AUTS2: variants seen among roughly 807,000 people sequenced by gnomAD.
AUTS2 encodes activator of transcription and developmental regulator AUTS2.
Under a neutral mutation model 112.4 loss-of-function variants are expected in AUTS2, and 17 were observed. The ratio of observed to expected loss-of-function variants is 0.15; its 90% CI spans 0.10 to 0.23. The LOEUF is 0.23. Ranked by LOEUF, AUTS2 falls within the 10% of genes least tolerant of loss-of-function variation. The pLI, the probability that AUTS2 is intolerant of heterozygous loss-of-function variation, is 1.00. For missense variants in AUTS2, 1,510 were observed against 1,701.6 expected (o/e 0.89, Z 1.98); for synonymous variants, 751 against 702.7 (o/e 1.07, Z -1.09).
intron 4 of AUTS2, among the ~76,000 whole-genome samples, chr7:70,213,074 G>A (rs1346257018): frequency 6.6e-6 from 1 of 151,986 alleles, no homozygotes; most frequent in African/African-American, 2.4e-5. Context: ...TCAGGTGATA[G>A]GCATTCTAAT....
In AUTS2 at chr7:69,646,065, A is replaced by T. The variant is rs76364952; in HGVS notation, c.309+46103A>T. 2.5e-4 allele frequency among the ~76,000 whole-genome samples: 38 copies of T among 151,016 alleles called. No individual in the cohort carries two copies. The East Asian group carries it at 5.9e-3, about 24-fold the overall frequency. On this transcript the variant is annotated intron_variant, in intron 1 of 18. Transcript: ENST00000342771. ...GGGACCATTAGTTGAACTAAGAGGT[A>T]TGTTGTTTATACTGTTGTTGTGGTT...
intron 5 of AUTS2, among the ~76,000 whole-genome samples, chr7:70,489,950 C>A (rs531557058): frequency 6.6e-6 from 1 of 152,272 alleles, no homozygotes; most frequent in South Asian, 2.1e-4. Flanking sequence ...AGATTAGATA[C>A]TATTTTAAAC....
In AUTS2 at chr7:70,777,092, T is replaced by C; in HGVS notation, c.1933-11T>C. ...TCTTCCTCCTAACCACGTTGCTCTT[T>C]CTTGTTCCAGAAACCAGGGAAGTGG... On this transcript the variant is annotated splice_polypyrimidine_tract_variant and intron_variant, in intron 13 of 18. Coordinates refer to ENST00000342771, the MANE Select transcript of AUTS2 (RefSeq NM_015570.4). 1 of 1,613,964 alleles carries C rather than the reference T, an allele frequency of 6.2e-7. No individual in the cohort carries two copies. Among genetic ancestry groups the C allele is most frequent in the Non-Finnish European group, 8.5e-7 (1 of 1,179,882 alleles).
At chr7:69,609,239 G>T (rs1487595153) in intron 1 of AUTS2, among the ~76,000 whole-genome samples, 1 of 152,150 alleles carries the variant, frequency 6.6e-6, no homozygotes, top group Non-Finnish European at 1.5e-5. Flanking sequence ...CTTGGAAGGA[G>T]ATTTTTTAAA....
intron 2 of AUTS2, among the ~76,000 whole-genome samples, chr7:70,081,991 T>G (rs1803347751): frequency 6.7e-6 from 1 of 148,976 alleles, no homozygotes; most frequent in Non-Finnish European, 1.5e-5. Flanking sequence ...TGTGTTTAAA[T>G]TAGATTTTTC....
chr7:70,600,558 G>C (rs1319615153), intron 5 of AUTS2, among the ~76,000 whole-genome samples: 1 of 152,176 alleles, frequency 6.6e-6, no homozygotes, highest in Non-Finnish European at 1.5e-5. Flanking sequence ...TTACAGGCAC[G>C]GGCCACCGCG....
intron 2 of AUTS2, among the ~76,000 whole-genome samples, chr7:69,911,515 G>C (rs780274790): frequency 5.3e-5 from 8 of 152,350 alleles, no homozygotes; most frequent in Non-Finnish European, 1.0e-4. Context: ...TGCCTAGGAA[G>C]AATGAGGTAC....
intron 5 of AUTS2, among the ~76,000 whole-genome samples, chr7:70,453,865 T>C (rs12537351): frequency 0.028 from 4,224 of 152,334 alleles, 129 homozygotes; most frequent in Admixed American, 0.095. Context: ...AAGATACTTT[T>C]TCCTTGTAAG....
At chr7:70,355,109 T>G (rs183163071) in intron 4 of AUTS2, among the ~76,000 whole-genome samples, 288 of 143,712 alleles carry the variant, frequency 2.0e-3, no homozygotes, top group African/African-American at 5.5e-3. Flanking sequence ...TGTATGGGTG[T>G]GTGTGTGTGT....
intron 5 of AUTS2, among the ~76,000 whole-genome samples, chr7:70,448,309 A>C (rs1015143868): frequency 6.6e-6 from 1 of 152,252 alleles, no homozygotes; most frequent in East Asian, 1.9e-4. Flanking sequence ...AATTTATTCA[A>C]TAAGCCAGAC....
intron 4 of AUTS2, among the ~76,000 whole-genome samples, chr7:70,255,428 CA>C (rs202036691): frequency 2.7e-5 from 4 of 149,766 alleles, no homozygotes; most frequent in African/African-American, 4.9e-5. Flanking sequence ...ATACTAATTG[CA>C]AAAAAAAATA....
intron 5 of AUTS2, among the ~76,000 whole-genome samples, chr7:70,643,595 T>A (rs1252335997): frequency 6.6e-6 from 1 of 152,162 alleles, no homozygotes; most frequent in Non-Finnish European, 1.5e-5. Context: ...AGTAAAAGTG[T>A]GACAAACCTA....
At chr7:70,175,951 G>A (rs1331839152) in intron 4 of AUTS2, among the ~76,000 whole-genome samples, 3 of 152,092 alleles carry the variant, frequency 2.0e-5, no homozygotes, top group African/African-American at 7.2e-5. Flanking sequence ...TGGTGGTTTG[G>A]AACCAAATCT....
intron 2 of AUTS2, among the ~76,000 whole-genome samples, chr7:69,994,630 A>G (rs1441861353): frequency 1.3e-5 from 2 of 152,162 alleles, no homozygotes; most frequent in Admixed American, 6.5e-5. Flanking sequence ...GGATTATAGT[A>G]TATAATGACT....
In AUTS2 at chr7:70,211,566, G is replaced by A. The variant is rs548296082; in HGVS notation, c.660+76995G>A. Among the ~76,000 whole-genome samples, 5 of 151,420 alleles carry A rather than the reference G, an allele frequency of 3.3e-5. No homozygotes were observed. In the South Asian group the frequency reaches 6.3e-4, roughly 19 times the overall value. The stretch of plus-strand genomic sequence containing the variant: ...CGGAAGGCTGAGGCAGGAGAATGGC[G>A]TCAACCTGGGAGGCGGAGGTTGCAG... On this transcript the variant is annotated intron_variant, in intron 4 of 18. Coordinates refer to ENST00000342771, the MANE Select transcript of AUTS2 (RefSeq NM_015570.4).
chr7:70,765,646 G>A (rs1031474657), intron 8 of AUTS2, among the ~76,000 whole-genome samples: 4 of 152,146 alleles, frequency 2.6e-5, no homozygotes, highest in Non-Finnish European at 4.4e-5. Flanking sequence ...GAGCCCTGCC[G>A]TGTGAACAGC....
chr7:69,756,508 T>G (rs1350958435), intron 1 of AUTS2, among the ~76,000 whole-genome samples: 1 of 152,138 alleles, frequency 6.6e-6, no homozygotes, highest in Non-Finnish European at 1.5e-5. Context: ...TAAAAGCTCT[T>G]TGTGTATTTG....
intron 2 of AUTS2, among the ~76,000 whole-genome samples, chr7:69,926,644 C>A (rs1449779683): frequency 6.6e-6 from 1 of 151,494 alleles, no homozygotes; most frequent in Non-Finnish European, 1.5e-5. Flanking sequence ...TACCCTCTTT[C>A]CCTGCAGCCT....
intron 2 of AUTS2, among the ~76,000 whole-genome samples, chr7:69,926,457 A>G (rs1229317057): frequency 9.8e-5 from 11 of 111,796 alleles, no homozygotes; most frequent in East Asian, 2.3e-4. Flanking sequence ...CTATCTATCT[A>G]TCTATCTATC....
Sources: allele counts gnomAD v4.1 joint callset (sites outside exome capture counted in the v4.1 genomes callset), GRCh38; gene constraint gnomAD v4.1.1; transcripts MANE v1.5; gene names NCBI Gene and HGNC (gene_info 2026-07-23, HGNC 2026-07-21).